ZNF532: variants seen among roughly 807,000 people sequenced by gnomAD.
ZNF532 encodes zinc finger protein 532.
A neutral mutation model predicts 89.3 loss-of-function variants in ZNF532; 22 were observed. That is an observed-to-expected ratio of 0.25 (90% CI 0.18 to 0.35). The LOEUF (loss-of-function observed/expected upper bound fraction) is 0.35, where lower values mean the gene tolerates loss of function less well. Ranked by LOEUF, ZNF532 falls within the 10% of genes least tolerant of loss-of-function variation. The pLI, the probability that ZNF532 is intolerant of heterozygous loss-of-function variation, is 1.00. For synonymous variants in ZNF532, 606 were observed against 649.6 expected (o/e 0.93, Z 1.02); for missense variants, 1,132 against 1,643.4 (o/e 0.69, Z 5.38).
intron 2 of ZNF532, among the ~76,000 whole-genome samples, chr18:58,880,606 T>G (rs1230679942): frequency 2.6e-5 from 4 of 152,216 alleles, no homozygotes; most frequent in Non-Finnish European, 5.9e-5. Context: ...GCTCCATAAA[T>G]GCATAGCAAA....
At chr18:58,912,359 T>C (rs975972779) in intron 2 of ZNF532, among the ~76,000 whole-genome samples, 3 of 152,254 alleles carry the variant, frequency 2.0e-5, no homozygotes, top group African/African-American at 7.2e-5. Context: ...TTTGCTAATT[T>C]CTTGTTAACT....
chr18:58,868,363 C>G (rs1003439337), intron 2 of ZNF532, among the ~76,000 whole-genome samples: 2 of 152,352 alleles, frequency 1.3e-5, no homozygotes, highest in Middle Eastern at 6.8e-3. Flanking sequence ...AAAATTTACT[C>G]TGTGGTGTAC....
chr18:58,906,124 C>T (rs1044452508), intron 2 of ZNF532, among the ~76,000 whole-genome samples: 2 of 152,136 alleles, frequency 1.3e-5, no homozygotes, highest in South Asian at 2.1e-4. Context: ...TTTCTTTCTC[C>T]GTGGTAAAGT....
chr18:58,953,185 T>C (rs1165615443), intron 6 of ZNF532: 3 of 194,920 alleles, frequency 1.5e-5, no homozygotes, highest in African/African-American at 7.1e-5. Flanking sequence ...AAATGGTTTG[T>C]TGTAGAGAGG....
At chr18:58,891,152 C>T (rs2058870486) in intron 2 of ZNF532, among the ~76,000 whole-genome samples, 1 of 152,154 alleles carries the variant, frequency 6.6e-6, no homozygotes, top group South Asian at 2.1e-4. Flanking sequence ...ATCCCTTGAT[C>T]TTGTGATCTG....
In ZNF532 at chr18:58,924,742, G is replaced by A. The variant is rs561592151; in HGVS notation, c.2346+4109G>A. On this transcript the variant is annotated intron_variant, in intron 3 of 9. Transcript: ENST00000591808. ...TCAGTCAAGATACAGAGCTTTTCCA[G>A]CACTACAAAGATCTCATATTGCTCA... Among the ~76,000 whole-genome samples the A allele has an allele frequency of 2.6e-5, 4 of 152,244 alleles. No individual in the cohort carries two copies. The South Asian group carries it at 8.3e-4, about 32-fold the overall frequency.
At chr18:58,973,370 G>A (rs2066678879) in intron 7 of ZNF532, among the ~76,000 whole-genome samples, 1 of 152,206 alleles carries the variant, frequency 6.6e-6, no homozygotes, top group Admixed American at 6.5e-5. Flanking sequence ...CCAAAGTGCT[G>A]GGATTACAGG....
At chr18:58,962,389 C>G (rs2065444774) in intron 7 of ZNF532, among the ~76,000 whole-genome samples, 1 of 152,198 alleles carries the variant, frequency 6.6e-6, no homozygotes, top group African/African-American at 2.4e-5. Flanking sequence ...AACCAAGTCT[C>G]TGTGGAAAGC....
At chr18:58,935,731 A>G (rs1298152019) in intron 4 of ZNF532, among the ~76,000 whole-genome samples, 1 of 151,856 alleles carries the variant, frequency 6.6e-6, no homozygotes, top group African/African-American at 2.4e-5. Flanking sequence ...CAAGGAAAAC[A>G]TGTCACTGAT....
In ZNF532 at chr18:58,981,526, T is replaced by G; in HGVS notation, c.3320T>G (p.Val1107Gly). The G allele has an allele frequency of 6.2e-7, 1 of 1,614,064 alleles. No homozygotes were observed. Among genetic ancestry groups the G allele is most frequent in the South Asian group, 1.1e-5 (1 of 91,076 alleles). The change falls in exon 9 of 10, where the codon GTC becomes GGC. Residue 1107 changes from valine (V) to glycine (G), a missense_variant. Physicochemically the swap from Val to Gly is moderately radical, Grantham distance 109. Transcript: ENST00000591808. The part of the protein sequence containing the change: ...FTKRLMLEKH[V>G]QLMHGIKDPD... ...AAACGTTTGATGCTGGAGAAGCACG[T>G]CCAGCTGATGCATGGCATCAAGGAC...
intron 7 of ZNF532, chr18:58,954,059 A>G (rs915490446): frequency 2.0e-6 from 2 of 983,090 alleles, no homozygotes; most frequent in Non-Finnish European, 2.4e-6. Flanking sequence ...TACCTATCAC[A>G]TTCATATTTA....
intron 2 of ZNF532, among the ~76,000 whole-genome samples, chr18:58,871,500 T>G (rs1384563690): frequency 6.6e-6 from 1 of 152,194 alleles, no homozygotes; most frequent in African/African-American, 2.4e-5. Context: ...TAAGTGGAAG[T>G]GGAAACAGGA....
chr18:58,887,193 C>G (rs976782793), intron 2 of ZNF532, among the ~76,000 whole-genome samples: 1 of 152,252 alleles, frequency 6.6e-6, no homozygotes. Context: ...GGGCCCTGGG[C>G]AGAACCCAGG....
chr18:58,888,888 ATTTTATAT>A (rs1568249141), intron 2 of ZNF532, among the ~76,000 whole-genome samples: 127 of 45,184 alleles, frequency 2.8e-3, no homozygotes, highest in South Asian at 5.5e-3. Flanking sequence ...ATATATATAT[ATTTTATAT>A]ATATATATAT....
chr18:58,927,044 T>A (rs1181750718), intron 3 of ZNF532, among the ~76,000 whole-genome samples: 1 of 152,236 alleles, frequency 6.6e-6, no homozygotes, highest in African/African-American at 2.4e-5. Context: ...TGAGAAGTAT[T>A]CCCTCCTTCA....
Position 58,948,217 on chromosome 18 carries a change from G to T in ZNF532, c.2856G>T (p.Met952Ile). Residue 952 changes from methionine (M) to isoleucine (I), a missense_variant, in exon 6 of 10, where the codon ATG (methionine) becomes ATT (isoleucine). By Grantham distance (10) the Met-to-Ile change is conservative. This residue lies in a region of ZNF532 where 415 missense variants were observed against 604.8 expected (regional missense o/e 0.69). Coordinates refer to ENST00000591808, the MANE Select transcript of ZNF532 (RefSeq NM_001375912.1). ...TATATGCACAGAAGCAACTTATGAT[G>T]GACCATATCAAGGTGTGTGTGCATC... is the stretch of plus-strand genomic sequence containing the variant. ...SLLYAQKQLM[M>I]DHIKSMHGTL... The T allele has an allele frequency of 6.2e-7, 1 of 1,611,144 alleles. No individual in the cohort carries two copies. The highest frequency in any genetic ancestry group is 8.5e-7 in the Non-Finnish European group (1 of 1,178,838).
At chr18:58,968,251 T>C (rs1398516773) in intron 7 of ZNF532, among the ~76,000 whole-genome samples, 2 of 152,224 alleles carry the variant, frequency 1.3e-5, no homozygotes, top group African/African-American at 4.8e-5. Context: ...GGAGACTTGG[T>C]GCCTGTCTTT....
At chr18:58,915,255 A>G (rs1280445835) in intron 2 of ZNF532, among the ~76,000 whole-genome samples, 1 of 152,254 alleles carries the variant, frequency 6.6e-6, no homozygotes, top group Non-Finnish European at 1.5e-5. Context: ...CACTGCACTC[A>G]GAAATGCCCA....
At chr18:58,970,906 T>C (rs1475247110) in intron 7 of ZNF532, among the ~76,000 whole-genome samples, 1 of 152,232 alleles carries the variant, frequency 6.6e-6, no homozygotes, top group Non-Finnish European at 1.5e-5. Flanking sequence ...TGCTGGCAGC[T>C]TGTTAGAAAG....
Sources: gnomAD v4.1 joint callset for allele counts (sites outside exome capture counted in the v4.1 genomes callset) on GRCh38, gnomAD v4.1.1 for gene constraint, gnomAD v4.1.1 regional missense constraint, MANE v1.5 for transcripts, NCBI Gene and HGNC (gene_info 2026-07-23, HGNC 2026-07-21) for gene names.